Variants in HDAC9 observed in about 807,000 individuals in gnomAD.
The protein encoded by HDAC9 is histone deacetylase 9.
A neutral mutation model predicts 139.4 loss-of-function variants in HDAC9; 41 were observed. The observed-to-expected ratio is 0.29, with a 90% CI of 0.23 to 0.38. The LOEUF is 0.38. HDAC9 is among the 10% of genes least tolerant of loss of function. HDAC9 has a pLI of 1.00. For synonymous variants in HDAC9, 517 were observed against 476.2 expected (o/e 1.09, Z -1.12); for missense variants, 1,147 against 1,297.0 (o/e 0.88, Z 1.78).
intron 1 of HDAC9, among the ~76,000 whole-genome samples, chr7:18,398,335 G>C (rs1787238820): frequency 6.6e-6 from 1 of 152,086 alleles, no homozygotes; most frequent in South Asian, 2.1e-4. Context: ...TGATGTCTTT[G>C]TATTTTCCAT....
At chr7:18,573,958 T>C (rs1410814483) in intron 2 of HDAC9, among the ~76,000 whole-genome samples, 1 of 152,212 alleles carries the variant, frequency 6.6e-6, no homozygotes, top group Non-Finnish European at 1.5e-5. Context: ...TCAGCCCTGT[T>C]CGTGTTAACA....
intron 16 of HDAC9, among the ~76,000 whole-genome samples, chr7:18,782,462 C>G (rs1310509910): frequency 1.3e-5 from 2 of 152,026 alleles, no homozygotes; most frequent in Admixed American, 6.6e-5. Context: ...TCATGTGCGG[C>G]TTTTCAGAGC....
chr7:18,529,057 TAA>T (rs1202472236), intron 2 of HDAC9, among the ~76,000 whole-genome samples: 1 of 152,180 alleles, frequency 6.6e-6, no homozygotes, highest in Non-Finnish European at 1.5e-5. Flanking sequence ...GTCTGGGTAT[TAA>T]ACCTTTTTTC....
intron 22 of HDAC9, among the ~76,000 whole-genome samples, chr7:18,934,269 AT>A (rs1781469398): frequency 6.6e-6 from 1 of 152,008 alleles, no homozygotes; most frequent in Non-Finnish European, 1.5e-5. Flanking sequence ...TGTCCCCAAC[AT>A]TCTGGCATCA....
At chr7:18,977,036 T>C (rs528221046) in intron 25 of HDAC9, among the ~76,000 whole-genome samples, 100 of 152,330 alleles carry the variant, frequency 6.6e-4, no homozygotes, top group South Asian at 1.7e-3. Flanking sequence ...GAACAGGAGA[T>C]AAAATGAATA....
intron 2 of HDAC9, among the ~76,000 whole-genome samples, chr7:18,231,246 A>G (rs1379355967): frequency 6.6e-6 from 1 of 152,224 alleles, no homozygotes; most frequent in Non-Finnish European, 1.5e-5. Context: ...TCATCCCACA[A>G]GAATTAAATT....
intron 11 of HDAC9, among the ~76,000 whole-genome samples, chr7:18,658,668 G>A (rs1302120110): frequency 2.6e-5 from 4 of 151,982 alleles, no homozygotes. Flanking sequence ...AAAATGACAT[G>A]GAGTATTATT....
intron 13 of HDAC9, among the ~76,000 whole-genome samples, chr7:18,742,499 A>G (rs1211168805): frequency 6.6e-6 from 1 of 152,234 alleles, no homozygotes; most frequent in Non-Finnish European, 1.5e-5. Context: ...AACTTTTACA[A>G]GCATAAGCAA....
chr7:18,859,434 C>T (rs1316098358), intron 21 of HDAC9, among the ~76,000 whole-genome samples: 1 of 151,978 alleles, frequency 6.6e-6, no homozygotes, highest in Non-Finnish European at 1.5e-5. Context: ...TCTATTCAGG[C>T]CCCAAGTTCT....
intron 16 of HDAC9, among the ~76,000 whole-genome samples, chr7:18,771,837 T>C (rs1343593907): frequency 1.3e-5 from 2 of 152,082 alleles, no homozygotes; most frequent in African/African-American, 2.4e-5. Context: ...AAAAGCTTGG[T>C]TAATAATGCA....
chr7:18,166,811 A>C (rs892993598), intron 2 of HDAC9, among the ~76,000 whole-genome samples: 2 of 152,194 alleles, frequency 1.3e-5, no homozygotes, highest in Non-Finnish European at 2.9e-5. Context: ...AGGAAACTAA[A>C]ACCAGGACAA....
At chr7:18,728,649 G>C (rs1436271178) in intron 13 of HDAC9, among the ~76,000 whole-genome samples, 1 of 152,124 alleles carries the variant, frequency 6.6e-6, no homozygotes. Flanking sequence ...AGGCTCTTTT[G>C]AGTTCTCTGA....
intron 1 of HDAC9, among the ~76,000 whole-genome samples, chr7:18,449,425 A>G (rs558216816): frequency 1.3e-5 from 2 of 152,274 alleles, no homozygotes; most frequent in East Asian, 3.9e-4. Context: ...GTCAAAACTA[A>G]CATGGGGTGT....
intron 1 of HDAC9, among the ~76,000 whole-genome samples, chr7:18,346,960 T>C (rs1420349031): frequency 6.6e-6 from 1 of 152,144 alleles, no homozygotes; most frequent in African/African-American, 2.4e-5. Context: ...GGGTGTGGCA[T>C]TCATAGGAGA....
chr7:18,912,441 A>G (rs1802826092), intron 22 of HDAC9, among the ~76,000 whole-genome samples: 2 of 152,142 alleles, frequency 1.3e-5, no homozygotes, highest in Admixed American at 1.3e-4. Context: ...TCAATAAATA[A>G]GAAACATTTG....
intron 1 of HDAC9, among the ~76,000 whole-genome samples, chr7:18,408,203 C>A (rs958479152): frequency 2.0e-5 from 3 of 151,886 alleles, no homozygotes; most frequent in African/African-American, 7.3e-5. Context: ...AAGAACCAAC[C>A]TAAAGGTTTT....
At chr7:18,543,494 A>G (rs1586860469) in intron 2 of HDAC9, 1 of 152,322 alleles carries the variant, frequency 6.6e-6, no homozygotes, top group Non-Finnish European at 1.5e-5. Flanking sequence ...TGCCTGCTCT[A>G]TGAAACTTAT....
chr7:18,389,449 TGCATCCCAGGCACTAGAAGGGAAACA>T (rs1162699708), intron 1 of HDAC9, among the ~76,000 whole-genome samples: 4 of 152,202 alleles, frequency 2.6e-5, no homozygotes, highest in Admixed American at 2.6e-4. Context: ...TCAGGATGTC[TGCATCCCAGGCACTAGAAGGGAAACA>T]GCATCTGGAC....
At chr7:18,848,554 C>G (rs537372253) in intron 21 of HDAC9, among the ~76,000 whole-genome samples, 1 of 151,688 alleles carries the variant, frequency 6.6e-6, no homozygotes, top group Non-Finnish European at 1.5e-5. Context: ...GGTTGTAATC[C>G]GGTGAGAGCG....
Sources: gnomAD v4.1 joint callset for allele counts (sites outside exome capture counted in the v4.1 genomes callset) on GRCh38, gnomAD v4.1.1 for gene constraint, MANE v1.5 for transcripts, NCBI Gene and HGNC (gene_info 2026-07-23, HGNC 2026-07-21) for gene names.